Variants in MEIOSIN observed in about 807,000 individuals in gnomAD.
The protein encoded by MEIOSIN is meiosis initiator protein.
In MEIOSIN, 18 loss-of-function variants were observed where a neutral mutation model predicts 23.4. The ratio of observed to expected loss-of-function variants is 0.77; its 90% CI spans 0.53 to 1.14. MEIOSIN has a LOEUF of 1.14. Ranked by LOEUF, MEIOSIN falls within the 50% of genes most tolerant of loss-of-function variation. The pLI is 0.00. For missense variants in MEIOSIN, 428 were observed against 242.9 expected (o/e 1.76, Z -5.07); for synonymous variants, 187 against 100.6 (o/e 1.86, Z -5.14).
chr19:45,757,161 A>G lies in MEIOSIN; in HGVS notation c.912-16A>G. 1 of 702,432 alleles carries G rather than the reference A, an allele frequency of 1.4e-6. No homozygotes were observed. 43.5% of individuals were successfully genotyped at this position (702,432 alleles called of 1,614,324 possible). A position where few individuals can be genotyped will look rare whatever the true frequency, so the allele number is the denominator to read the frequency against. On this transcript the variant is annotated splice_polypyrimidine_tract_variant and intron_variant, in intron 8 of 14. Transcript: ENST00000457052. ...CAGAGTCTGTGAGTCTGACTCTGAA[A>G]CTCCACCTCTTGCAGGCAGAAGCTG...
intron 2 of MEIOSIN, among the ~76,000 whole-genome samples, chr19:45,738,283 C>T (rs750818471): frequency 1.3e-5 from 2 of 152,210 alleles, no homozygotes; most frequent in African/African-American, 2.4e-5. Flanking sequence ...TAAGCATCTA[C>T]GGGGTTATGT....
chr19:45,761,589 G>T, intron 11 of MEIOSIN, 90 bp from the exon 12 acceptor site: 1 of 624,110 alleles, frequency 1.6e-6, no homozygotes. Flanking sequence ...TGCTGCTAAT[G>T]CTCATGTTAT....
intron 5 of MEIOSIN, among the ~76,000 whole-genome samples, chr19:45,753,012 C>A (rs188158110): frequency 5.3e-4 from 80 of 151,504 alleles, no homozygotes; most frequent in Middle Eastern, 3.4e-3. Flanking sequence ...CAAGCTCCAC[C>A]CCCTGGGTTC....
intron 2 of MEIOSIN, 116 bp downstream of exon 2, chr19:45,735,563 TATG>T (rs1968395061): frequency 2.3e-5 from 14 of 608,624 alleles, no homozygotes; most frequent in Non-Finnish European, 4.2e-5. Context: ...ATTTTGTTTG[TATG>T]ATAACTGTTA....
Position 45,761,423 on chromosome 19 carries a change from ATTTTTTTTTTTTTTT to A in MEIOSIN, c.1246-242_1246-228del, listed in dbSNP as rs35838022. On this transcript the variant is annotated intron_variant, in intron 11 of 14. Transcript: ENST00000457052. Reference sequence around the variant, plus strand: ...AGGCATGAGCCACTGCGCCTGGCCTATTTTTTTTTTTTTTTTTTTTTTTTTTTTGTAGAACAAGGT... The same window carrying A: ...AGGCATGAGCCACTGCGCCTGGCCTATTTTTTTTTTTTTGTAGAACAAGGT... Among the ~76,000 whole-genome samples, 588 of 59,912 alleles carry A rather than the reference ATTTTTTTTTTTTTTT, an allele frequency of 9.8e-3. 18 individuals carry two copies. Among genetic ancestry groups the A allele is most frequent in the African/African-American group, 0.036 (531 of 14,688 alleles). 39.3% of individuals were successfully genotyped at this position (59,912 alleles called of 152,430 possible). A position where few individuals can be genotyped will look rare whatever the true frequency, so the allele number is the denominator to read the frequency against.
intron 3 of MEIOSIN, among the ~76,000 whole-genome samples, chr19:45,740,490 C>T (rs1968482752): frequency 6.6e-6 from 1 of 152,302 alleles, no homozygotes; most frequent in African/African-American, 2.4e-5. Flanking sequence ...GAGGCTCACG[C>T]CTGTAATCCC....
In MEIOSIN at chr19:45,757,287, ACT is replaced by A. The variant is rs1270367355; in HGVS notation, c.1012+13_1012+14del. Reference sequence around the variant, plus strand: ...GAGAACAGCCCCCAAGGTGACTGCAACTCTGTCTCTCCTCCTTGTAGGCTGGT... The same window carrying A: ...GAGAACAGCCCCCAAGGTGACTGCAACTGTCTCTCCTCCTTGTAGGCTGGT... On this transcript the variant is annotated intron_variant, in intron 9 of 14. Transcript: ENST00000457052. The A allele has an allele frequency of 4.7e-5, 33 of 700,836 alleles. No individual in the cohort carries two copies. Among genetic ancestry groups the A allele is most frequent in the Non-Finnish European group, 7.8e-5 (30 of 383,782 alleles). The allele number at this position is 700,836 out of a possible 1,614,324, so 43.4% of individuals were successfully genotyped here. A position where few individuals can be genotyped will look rare whatever the true frequency, so the allele number is the denominator to read the frequency against.
intron 3 of MEIOSIN, among the ~76,000 whole-genome samples, chr19:45,741,021 A>G (rs1342333143): frequency 6.6e-6 from 1 of 152,068 alleles, no homozygotes; most frequent in East Asian, 1.9e-4. Flanking sequence ...TGTGGGCCCT[A>G]TACAATTTTA....
chr19:45,747,059 C>T (rs1482193713), intron 4 of MEIOSIN, among the ~76,000 whole-genome samples: 1 of 152,142 alleles, frequency 6.6e-6, no homozygotes, highest in Non-Finnish European at 1.5e-5. Flanking sequence ...ATGACACAGT[C>T]CCTCCCCTCG....
intron 8 of MEIOSIN, 147 bp from the exon 9 acceptor site, chr19:45,757,030 T>C: frequency 1.7e-6 from 1 of 581,714 alleles, no homozygotes; most frequent in Non-Finnish European, 3.1e-6. Flanking sequence ...CATGAGACTG[T>C]AAGCTCCCTG....
chr19:45,754,736 T>C lies in MEIOSIN; in HGVS notation c.802+12T>C. The C allele has an allele frequency of 5.7e-6, 4 of 702,858 alleles. No individual in the cohort carries two copies. Among genetic ancestry groups the C allele is most frequent in the Non-Finnish European group, 1.0e-5 (4 of 384,934 alleles). 43.5% of individuals were successfully genotyped at this position (702,858 alleles called of 1,614,324 possible). A position where few individuals can be genotyped will look rare whatever the true frequency, so the allele number is the denominator to read the frequency against. On this transcript the variant is annotated intron_variant, in intron 7 of 14. Transcript: ENST00000457052. ...CTGTGACATCTCAAGTGGGTCTCTT[T>C]CCTCACTCTGAACTTAGTCTTTCAG...
chr19:45,754,696 C>T lies in MEIOSIN; in HGVS notation c.774C>T (p.Ala258=), dbSNP rs117739601. 6,186 of 703,040 alleles carry T rather than the reference C, an allele frequency of 8.8e-3. 58 individuals carry two copies. Among genetic ancestry groups the T allele is most frequent in the Non-Finnish European group, 0.013 (5,055 of 385,028 alleles). 43.6% of individuals were successfully genotyped at this position (703,040 alleles called of 1,614,324 possible). A position where few individuals can be genotyped will look rare whatever the true frequency, so the allele number is the denominator to read the frequency against. The part of the protein sequence containing the change: ...GQSQLTLLDL[A]EDTIHCDISS... ...CCCAGCTGACGCTGTTGGATCTGGC[C>T]GAGGACACCATCCACTGTGACATCT... is the stretch of plus-strand genomic sequence containing the variant. The change falls in exon 7 of 15, where the codon GCC becomes GCT. Residue 258 remains alanine, a synonymous_variant. Coordinates refer to ENST00000457052, the MANE Select transcript of MEIOSIN (RefSeq NM_001310124.2).
intron 9 of MEIOSIN, 141 bp from the exon 10 acceptor site, chr19:45,758,737 A>T: frequency 1.7e-6 from 1 of 603,612 alleles, no homozygotes; most frequent in East Asian, 2.8e-5. Flanking sequence ...CTGCCTCTTC[A>T]TTTCTGTGAT....
intron 11 of MEIOSIN, among the ~76,000 whole-genome samples, chr19:45,761,471 T>C (rs1600392426): frequency 6.9e-6 from 1 of 144,506 alleles, no homozygotes; most frequent in Non-Finnish European, 1.5e-5. Flanking sequence ...GGTCTCTCTA[T>C]GTTGCCCAGG....
chr19:45,743,848 G>C (rs1600378552), intron 3 of MEIOSIN, among the ~76,000 whole-genome samples: 1 of 151,434 alleles, frequency 6.6e-6, no homozygotes, highest in East Asian at 2.0e-4. Context: ...ATAAAGGCGA[G>C]GTCTCACTTT....
At chr19:45,739,505 AT>A (rs1968463726) in intron 2 of MEIOSIN, 120 bp from the exon 3 acceptor site, 9 of 652,180 alleles carry the variant, frequency 1.4e-5, no homozygotes, top group Non-Finnish European at 2.2e-5. Context: ...CCAGGTCTAT[AT>A]CTTGCCAACT....
At chr19:45,747,272 C>T (rs1048161369) in intron 4 of MEIOSIN, among the ~76,000 whole-genome samples, 2 of 152,208 alleles carry the variant, frequency 1.3e-5, no homozygotes, top group Non-Finnish European at 2.9e-5. Flanking sequence ...ATCCCGGGGC[C>T]GTGGGACATG....
chr19:45,738,136 G>A (rs1453976477), intron 2 of MEIOSIN, among the ~76,000 whole-genome samples: 1 of 152,162 alleles, frequency 6.6e-6, no homozygotes, highest in Non-Finnish European at 1.5e-5. Context: ...AATTTTCACA[G>A]CAGATTGGAG....
chr19:45,737,076 T>A (rs1968420770), intron 2 of MEIOSIN, among the ~76,000 whole-genome samples: 1 of 151,600 alleles, frequency 6.6e-6, no homozygotes, highest in Non-Finnish European at 1.5e-5. Flanking sequence ...ACCATGTTGT[T>A]CAGGCTGGTC....
Sources: gnomAD v4.1 joint callset for allele counts (sites outside exome capture counted in the v4.1 genomes callset) on GRCh38, gnomAD v4.1.1 for gene constraint, MANE v1.5 for transcripts, NCBI Gene and HGNC (gene_info 2026-07-23, HGNC 2026-07-21) for gene names.